The following PTPRD variants were observed in gnomAD, a reference collection of about 807,000 sequenced individuals.
PTPRD encodes the protein protein tyrosine phosphatase receptor type D.
PTPRD carries 34 observed loss-of-function variants against 214.5 expected under a neutral mutation model. The observed-to-expected ratio is 0.16, with a 90% CI of 0.12 to 0.21. PTPRD has a LOEUF of 0.21. Among genes scored for constraint, PTPRD ranks in the 10% least tolerant of loss-of-function variants. The pLI is 1.00. For missense variants in PTPRD, 2,545 were observed against 2,398.7 expected, an observed-to-expected ratio of 1.06 and a Z score of -1.27; for synonymous variants, 1,128 against 845.7, an observed-to-expected ratio of 1.33 and a Z score of -5.79.
intron 12 of PTPRD, among the ~76,000 whole-genome samples, chr9:8,705,967 T>C (rs1469654266): frequency 6.6e-6 from 1 of 152,216 alleles, no homozygotes; most frequent in African/African-American, 2.4e-5. Context: ...TGTATCCATA[T>C]GTGTAAATTC....
intron 8 of PTPRD, among the ~76,000 whole-genome samples, chr9:9,521,073 T>C (rs1459464146): frequency 6.6e-6 from 1 of 152,092 alleles, no homozygotes; most frequent in Admixed American, 6.6e-5. Flanking sequence ...AAGCCCCTAA[T>C]CTTTTGTTTG....
At chr9:8,740,250 G>A (rs1234774712) in intron 11 of PTPRD, among the ~76,000 whole-genome samples, 1 of 152,040 alleles carries the variant, frequency 6.6e-6, no homozygotes, top group African/African-American at 2.4e-5. Flanking sequence ...TAGTGTTAAC[G>A]AATGTTCCTT....
chr9:8,878,595 A>G (rs901022783), intron 11 of PTPRD, among the ~76,000 whole-genome samples: 5 of 152,098 alleles, frequency 3.3e-5, no homozygotes, highest in African/African-American at 9.7e-5. Context: ...AGTGTGATCA[A>G]TAGCTCATCG....
intron 3 of PTPRD, among the ~76,000 whole-genome samples, chr9:10,197,954 A>T (rs1260011226): frequency 6.6e-6 from 1 of 152,134 alleles, no homozygotes; most frequent in Non-Finnish European, 1.5e-5. Context: ...TATGAAGTAT[A>T]AGCCATGCTT....
At chr9:10,047,351 T>C (rs967163365) in intron 3 of PTPRD, among the ~76,000 whole-genome samples, 5 of 150,284 alleles carry the variant, frequency 3.3e-5, no homozygotes, top group Middle Eastern at 3.5e-3. Flanking sequence ...TGTGTGTGTG[T>C]GCTTGTGTGA....
At position 10,161,769 on chromosome 9, in the gene PTPRD, G is replaced by T. The variant is rs922768078; in HGVS notation, c.-544-127979C>A. 2.0e-5 allele frequency among the ~76,000 whole-genome samples: 3 copies of T among 151,768 alleles called. No homozygotes were observed. In the South Asian group the frequency reaches 6.2e-4, roughly 31 times the overall value. ...TAAAATAAAGACATAACTTAAATGG[G>T]AGAAAATGTTTCCAAACTATCCATC... On this transcript the variant is annotated intron_variant, in intron 3 of 45. Coordinates refer to ENST00000381196, the MANE Select transcript of PTPRD (RefSeq NM_002839.4).
At position 8,990,904 on chromosome 9, in the gene PTPRD, T is replaced by A. The variant is rs536494128; in HGVS notation, c.-104+27793A>T. Among the ~76,000 whole-genome samples, 4 of 152,070 alleles carry A rather than the reference T, an allele frequency of 2.6e-5. 1 individual carries two copies. The South Asian group carries it at 8.3e-4, about 32-fold the overall frequency. On this transcript the variant is annotated intron_variant, in intron 11 of 45. Transcript: ENST00000381196. The stretch of plus-strand genomic sequence containing the variant: ...TTGCTACATGGCTGCCTATACTTCA[T>A]TGAACCTAAGCATAAAAACGGATTG...
intron 3 of PTPRD, among the ~76,000 whole-genome samples, chr9:10,302,554 A>G (rs991817142): frequency 4.6e-5 from 7 of 152,210 alleles, no homozygotes; most frequent in African/African-American, 1.4e-4. Context: ...TGCTCAAAAT[A>G]GAGGGATGGA....
chr9:8,863,063 T>C (rs1436356567), intron 11 of PTPRD, among the ~76,000 whole-genome samples: 1 of 150,796 alleles, frequency 6.6e-6, no homozygotes, highest in African/African-American at 2.5e-5. Flanking sequence ...ACTTAAAGTA[T>C]AATAATAATA....
In PTPRD at chr9:10,270,663, T is replaced by G. The variant is rs1432365340; in HGVS notation, c.-545+70300A>C. Among the ~76,000 whole-genome samples the G allele has an allele frequency of 1.1e-4, 16 of 152,294 alleles. No individual in the cohort carries two copies. In the South Asian group the frequency reaches 3.1e-3, roughly 30 times the overall value. ...TGACAATTAAATTTAAATGGAAGTT[T>G]TCTTCAGCATAAAAAATTGTGGTAT... On this transcript the variant is annotated intron_variant, in intron 3 of 45. Transcript: ENST00000381196.
intron 9 of PTPRD, among the ~76,000 whole-genome samples, chr9:9,266,557 G>A (rs1459200932): frequency 6.6e-6 from 1 of 150,894 alleles, no homozygotes; most frequent in Non-Finnish European, 1.5e-5. Context: ...CATCTTCACT[G>A]ACCACCGTGA....
At chr9:10,105,636 T>A (rs374138502) in intron 3 of PTPRD, among the ~76,000 whole-genome samples, 1 of 152,020 alleles carries the variant, frequency 6.6e-6, no homozygotes, top group African/African-American at 2.4e-5. Flanking sequence ...CAACCTGAAT[T>A]GGACCAGTTT....
At position 8,485,797 on chromosome 9, in the gene PTPRD, G is replaced by C. The variant is rs751359202; in HGVS notation, c.3020C>G (p.Pro1007Arg). The change falls in exon 28 of 46, where the codon CCC becomes CGC. Residue 1007 changes from proline to arginine, a missense_variant. Coordinates refer to ENST00000381196, the MANE Select transcript of PTPRD (RefSeq NM_002839.4). ...HTSKGPGPYS[P>R]SVQFRTLPVD... The stretch of plus-strand genomic sequence containing the variant: ...AGGCAGTGTCCTGAACTGGACACTG[G>C]GACTATATGGCCCGGGCCCTTTGCT... 1 of 1,613,662 alleles carries C rather than the reference G, an allele frequency of 6.2e-7. No homozygotes were observed. Among genetic ancestry groups the C allele is most frequent in the Non-Finnish European group, 8.5e-7 (1 of 1,179,968 alleles).
At chr9:9,005,801 TG>T (rs1446735387) in intron 11 of PTPRD, among the ~76,000 whole-genome samples, 1 of 151,992 alleles carries the variant, frequency 6.6e-6, no homozygotes, top group Admixed American at 6.6e-5. Context: ...TTATCATAAT[TG>T]GGGATGTCTG....
At chr9:9,693,937 C>A (rs1036866693) in intron 7 of PTPRD, among the ~76,000 whole-genome samples, 4 of 152,092 alleles carry the variant, frequency 2.6e-5, no homozygotes, top group African/African-American at 9.7e-5. Context: ...ATAATTTCTG[C>A]TTGATTCTTT....
chr9:9,976,230 G>T (rs1244986125), intron 4 of PTPRD, among the ~76,000 whole-genome samples: 3 of 151,812 alleles, frequency 2.0e-5, no homozygotes, highest in Non-Finnish European at 2.9e-5. Context: ...TTTCACAAAG[G>T]TCCCCCTCCC....
At chr9:8,562,117 C>A (rs955748088) in intron 14 of PTPRD, among the ~76,000 whole-genome samples, 5 of 152,118 alleles carry the variant, frequency 3.3e-5, no homozygotes, top group Middle Eastern at 6.8e-3. Flanking sequence ...GGTATATATC[C>A]AAAATGGTGA....
intron 11 of PTPRD, chr9:8,862,333 G>C (rs1302637830): frequency 3.3e-5 from 5 of 152,224 alleles, no homozygotes; most frequent in African/African-American, 1.2e-4. Flanking sequence ...TCCAGACTGG[G>C]CAACAGAGCC....
intron 3 of PTPRD, among the ~76,000 whole-genome samples, chr9:10,221,223 C>A (rs754664890): frequency 1.3e-5 from 2 of 151,892 alleles, no homozygotes. Context: ...CGTTGGTGTG[C>A]AGAAATAAAT....
Sources: allele counts gnomAD v4.1 joint callset (sites outside exome capture counted in the v4.1 genomes callset), GRCh38; gene constraint gnomAD v4.1.1; transcripts MANE v1.5; gene names NCBI Gene and HGNC (gene_info 2026-07-23, HGNC 2026-07-21).